The following PTGER3 variants were observed in gnomAD, a reference collection of about 807,000 sequenced individuals.
PTGER3 encodes the protein prostaglandin E2 receptor EP3 subtype.
A neutral mutation model predicts 34.7 loss-of-function variants in PTGER3; 22 were observed. The observed-to-expected ratio is 0.63, with a 90% CI of 0.45 to 0.91. The LOEUF is 0.91. PTGER3 is among the 40% of genes least tolerant of loss of function. The pLI, the probability that PTGER3 is intolerant of heterozygous loss-of-function variation, is 0.00. For synonymous variants in PTGER3, 241 were observed against 230.1 expected, an observed-to-expected ratio of 1.05 and a Z score of -0.43; for missense variants, 468 against 519.4, an observed-to-expected ratio of 0.90 and a Z score of 0.96.
intron 4 of PTGER3, among the ~76,000 whole-genome samples, chr1:70,933,094 A>G (rs1648874668): frequency 6.6e-6 from 1 of 152,166 alleles, no homozygotes. Context: ...ATGAGCTCCT[A>G]AAGGACAAAG....
chr1:70,882,575 T>G (rs1001493804), intron 4 of PTGER3, among the ~76,000 whole-genome samples: 8 of 152,200 alleles, frequency 5.3e-5, no homozygotes, highest in African/African-American at 1.9e-4. Flanking sequence ...CTGGTCTGCT[T>G]TGGGGCCAAA....
At chr1:71,020,815 T>C (rs1345720355) in intron 1 of PTGER3, among the ~76,000 whole-genome samples, 1 of 151,972 alleles carries the variant, frequency 6.6e-6, no homozygotes, top group East Asian at 1.9e-4. Flanking sequence ...CTTCCATAAG[T>C]CTGACTCAAT....
intron 2 of PTGER3, among the ~76,000 whole-genome samples, chr1:70,990,290 GA>G (rs1384998259): frequency 6.6e-6 from 1 of 150,400 alleles, no homozygotes; most frequent in Non-Finnish European, 1.5e-5. Flanking sequence ...CCGGGAGACG[GA>G]GCTTGCAGTG....
intron 4 of PTGER3, among the ~76,000 whole-genome samples, chr1:70,886,831 C>G (rs146190219): frequency 1.5e-4 from 23 of 152,282 alleles, no homozygotes; most frequent in African/African-American, 5.3e-4. Flanking sequence ...AATGAAGTGA[C>G]TTGCCAAGGT....
intron 4 of PTGER3, among the ~76,000 whole-genome samples, chr1:70,935,904 G>A (rs1196131865): frequency 6.6e-6 from 1 of 151,890 alleles, no homozygotes. Flanking sequence ...CTGGGAAAAG[G>A]GAATAGCAGG....
chr1:70,994,531 C>T (rs947057359), intron 2 of PTGER3, among the ~76,000 whole-genome samples: 10 of 151,976 alleles, frequency 6.6e-5, no homozygotes, highest in Non-Finnish European at 1.2e-4. Context: ...GATCTTGGCC[C>T]GCTGCAACCT....
At chr1:70,980,242 AC>A (rs1273070426) in intron 2 of PTGER3, among the ~76,000 whole-genome samples, 2 of 152,130 alleles carry the variant, frequency 1.3e-5, no homozygotes, top group Non-Finnish European at 2.9e-5. Flanking sequence ...TAGAACTGTT[AC>A]CACTTTCAAA....
At chr1:70,990,736 C>T (rs1175249343) in intron 2 of PTGER3, among the ~76,000 whole-genome samples, 1 of 151,886 alleles carries the variant, frequency 6.6e-6, no homozygotes, top group Non-Finnish European at 1.5e-5. Flanking sequence ...CCTCAGCTTC[C>T]CAAAGTGCTG....
chr1:71,024,680 G>A (rs1479354568), intron 1 of PTGER3, among the ~76,000 whole-genome samples: 5 of 128,254 alleles, frequency 3.9e-5, no homozygotes, highest in East Asian at 2.4e-4. Context: ...TCAGCCTCTC[G>A]AGTAGCTGGG....
At chr1:70,935,672 AATATATAT>A (rs10577850) in intron 4 of PTGER3, among the ~76,000 whole-genome samples, 2 of 140,214 alleles carry the variant, frequency 1.4e-5, no homozygotes, top group South Asian at 4.4e-4. Flanking sequence ...TACAAATATA[AATATATAT>A]ATATATATAT....
intron 2 of PTGER3, among the ~76,000 whole-genome samples, chr1:70,981,354 T>C (rs1654295555): frequency 9.9e-6 from 1 of 100,694 alleles, no homozygotes; most frequent in Non-Finnish European, 2.0e-5. Context: ...TTTCTTTCTT[T>C]CTTTCTTTCT....
intron 4 of PTGER3, among the ~76,000 whole-genome samples, chr1:70,855,988 C>T (rs755388096): frequency 7.2e-5 from 11 of 152,048 alleles, no homozygotes; most frequent in Non-Finnish European, 1.0e-4. Context: ...CAAGGATTTT[C>T]ACGGTAGATT....
chr1:71,006,248 A>G (rs998644959), intron 2 of PTGER3: 9 of 985,330 alleles, frequency 9.1e-6, no homozygotes, highest in African/African-American at 1.7e-5. Flanking sequence ...GGAACCAGGG[A>G]CAGAATTCTC....
rs1348383971 is a variant in PTGER3 at position 71,047,107 on chromosome 1, C to T, written c.471G>A (p.Leu157=). 15 of 1,605,650 alleles carry T rather than the reference C, an allele frequency of 9.3e-6. No homozygotes were observed. The highest frequency in any genetic ancestry group is 3.4e-5 in the Admixed American group (2 of 58,424). Residue 157 remains leucine, a synonymous_variant, in exon 1 of 4, where the codon CTG becomes CTA. Transcript: ENST00000306666. ...CATACCAGTGCGGCGCCCTGATGGCCAGCGCCCGCTCGACGGCCATGGCGC... is the reference window on the plus strand; with the variant it reads ...CATACCAGTGCGGCGCCCTGATGGCTAGCGCCCGCTCGACGGCCATGGCGC... ...IASAMAVERA[L]AIRAPHWYAS...
intron 4 of PTGER3, among the ~76,000 whole-genome samples, chr1:70,939,243 C>T (rs113930374): frequency 0.039 from 5,943 of 152,280 alleles, 150 homozygotes; most frequent in African/African-American, 0.071. Context: ...GTCAGGCTGA[C>T]GCAAGAGGTA....
At chr1:70,897,050 C>T (rs1042336083) in intron 4 of PTGER3, among the ~76,000 whole-genome samples, 1 of 152,100 alleles carries the variant, frequency 6.6e-6, no homozygotes, top group South Asian at 2.1e-4. Flanking sequence ...TTCTCAGAAG[C>T]TTAGGGATAA....
chr1:71,014,036 T>C (rs552131580), intron 1 of PTGER3, among the ~76,000 whole-genome samples: 66 of 152,372 alleles, frequency 4.3e-4, no homozygotes, highest in African/African-American at 1.6e-3. Flanking sequence ...CTATATATTG[T>C]GTTAAATAAA....
intron 4 of PTGER3, among the ~76,000 whole-genome samples, chr1:70,859,878 T>C (rs1426999832): frequency 6.6e-6 from 1 of 152,196 alleles, no homozygotes; most frequent in Non-Finnish European, 1.5e-5. Flanking sequence ...ACTTTCTGAG[T>C]TCTTCAGACA....
intron 4 of PTGER3, among the ~76,000 whole-genome samples, chr1:70,909,774 G>A (rs1433381603): frequency 6.6e-6 from 1 of 152,138 alleles, no homozygotes. Flanking sequence ...TGAAGGCCAC[G>A]TGTGCCACAT....
Sources: gnomAD v4.1 joint callset for allele counts (sites outside exome capture counted in the v4.1 genomes callset) on GRCh38, gnomAD v4.1.1 for gene constraint, MANE v1.5 for transcripts, NCBI Gene and HGNC (gene_info 2026-07-23, HGNC 2026-07-21) for gene names.